Variants in TUBB observed in about 807,000 individuals in gnomAD.
TUBB encodes tubulin beta class I.
Under a neutral mutation model 35.1 loss-of-function variants are expected in TUBB, and 2 were observed. That is an observed-to-expected ratio of 0.06 (90% confidence interval 0.02 to 0.18). TUBB has a LOEUF of 0.18. Among genes scored for constraint, TUBB ranks in the 10% least tolerant of loss-of-function variants. TUBB has a pLI of 1.00. For synonymous variants in TUBB, 205 were observed against 223.8 expected, an observed-to-expected ratio of 0.92 and a Z score of 0.75; for missense variants, 50 against 599.4, an observed-to-expected ratio of 0.08 and a Z score of 9.57.
Position 30,724,553 on chromosome 6 carries a change from C to G in TUBB, c.*156C>G. On this transcript the variant is annotated 3_prime_UTR_variant, in exon 4 of 4. Transcript: ENST00000327892. This position sits in a 1 kb window ranked among gnomAD's most constrained non-coding sequence, Gnocchi z 4.4. ...AGAACAGTGCCTGGCACATAGTAGG[C>G]GCTCAATAAATACTTGTTTGTTGAA... 8 of 635,924 alleles carry G rather than the reference C, an allele frequency of 1.3e-5. No individual in the cohort carries two copies. The South Asian group carries it at 1.7e-4, about 14-fold the overall frequency. The allele number at this position is 635,924 out of a possible 1,614,324, so 39.4% of individuals were successfully genotyped here.
chr6:30,720,601 G>GA, intron 1 of TUBB, 38 bp downstream of exon 1: 1 of 1,585,808 alleles, frequency 6.3e-7, no homozygotes, highest in South Asian at 1.1e-5. Context: ...TTTTTACAAG[G>GA]AAAAATCCAG....
At chr6:30,721,627 G>A (rs574130855) in intron 1 of TUBB, 22 of 985,340 alleles carry the variant, frequency 2.2e-5, no homozygotes, top group Non-Finnish European at 2.7e-5. Flanking sequence ...TGCGGCGGCA[G>A]CTCTTTCCTC....
intron 2 of TUBB, 79 bp from the exon 3 acceptor site, chr6:30,722,839 C>T (rs146959764): frequency 1.9e-4 from 255 of 1,311,124 alleles, no homozygotes; most frequent in Non-Finnish European, 2.5e-4. Context: ...TCTCTGATCC[C>T]TGCTGTCTCC....
At chr6:30,722,284 A>C (rs2127747362) in intron 1 of TUBB, 1 of 460,086 alleles carries the variant, frequency 2.2e-6, no homozygotes, top group Non-Finnish European at 4.0e-6. Context: ...CTCTACTAAA[A>C]ATACAAAAAG....
Position 30,720,393 on chromosome 6 carries a change from CCAGCCTCTGGGGCG to C in TUBB, c.-111_-98del, listed in dbSNP as rs1562149436. ...GCCGTCGCGTTTGCACCTCGCTGCTCCAGCCTCTGGGGCGCATTCCAACCTTCCAGCCTGCGACC... is the reference window on the plus strand; with the variant it reads ...GCCGTCGCGTTTGCACCTCGCTGCTCCATTCCAACCTTCCAGCCTGCGACC... On this transcript the variant is annotated 5_prime_UTR_variant, in exon 1 of 4. Transcript: ENST00000327892. The C allele has an allele frequency of 9.7e-7, 1 of 1,025,742 alleles. No homozygotes were observed. Among genetic ancestry groups the C allele is most frequent in the Non-Finnish European group, 1.5e-6 (1 of 657,262 alleles). The allele number at this position is 1,025,742 out of a possible 1,614,324, so 63.5% of individuals were successfully genotyped here.
chr6:30,723,098 G>A (rs1352894179), intron 3 of TUBB, 70 bp downstream of exon 3: 7 of 1,278,868 alleles, frequency 5.5e-6, no homozygotes, highest in Non-Finnish European at 6.7e-6. Flanking sequence ...CAAGGACACA[G>A]CAAAAGTTAG....
At chr6:30,721,417 G>GGGGGTGGT in intron 1 of TUBB, 1 of 255,144 alleles carries the variant, frequency 3.9e-6, no homozygotes, top group Non-Finnish European at 6.1e-6. Flanking sequence ...GAAGGGCGGG[G>GGGGGTGGT]CCCTGCGGGG....
intron 2 of TUBB, 54 bp from the exon 3 acceptor site, chr6:30,722,860 ATATC>A: frequency 7.0e-7 from 1 of 1,422,866 alleles, no homozygotes; most frequent in Non-Finnish European, 9.8e-7. Context: ...CATTTCCAGT[ATATC>A]TATAAACCTT....
At chr6:30,721,455 G>A in intron 1 of TUBB, 1 of 711,732 alleles carries the variant, frequency 1.4e-6, no homozygotes, top group Non-Finnish European at 1.7e-6. Context: ...GGGCGCGCGG[G>A]GACAATGCGG....
rs1448382670 is a variant in TUBB at position 30,722,791 on chromosome 6, G to A, written c.167-127G>A. 7 of 1,112,214 alleles carry A rather than the reference G, an allele frequency of 6.3e-6. No individual in the cohort carries two copies. In the Admixed American group the frequency reaches 9.4e-5, roughly 15 times the overall value. 68.9% of individuals were successfully genotyped at this position (1,112,214 alleles called of 1,614,324 possible). On this transcript the variant is annotated intron_variant, in intron 2 of 3. Transcript: ENST00000327892. ...GTGAACCACCGTCGGGGCCAAAGAC[G>A]TCTGCTGCCACCTGGTGGCGGGACC...
chr6:30,723,130 T>A, intron 3 of TUBB, 102 bp downstream of exon 3: 1 of 1,057,258 alleles, frequency 9.5e-7, no homozygotes, highest in Non-Finnish European at 1.4e-6. Context: ...TGTATTGGAG[T>A]GCTAATACAG....
Position 30,723,716 on chromosome 6 carries a change from C to G in TUBB, c.654C>G (p.Thr218=). Residue 218 remains threonine (T), a synonymous_variant, in exon 4 of 4, where the codon ACC becomes ACG. Transcript: ENST00000327892. ...YDICFRTLKL[T]TPTYGDLNHL... is the part of the protein sequence containing the mutation. ...TCTGCTTCCGCACTCTGAAGCTGAC[C>G]ACACCAACCTACGGGGATCTGAACC... 6.2e-7 allele frequency: 1 copy of G among 1,614,204 alleles called. No individual in the cohort carries two copies. The highest frequency in any genetic ancestry group is 8.5e-7 in the Non-Finnish European group (1 of 1,180,040).
Position 30,723,949 on chromosome 6 carries a change from C to G in TUBB, c.887C>G (p.Ala296Gly), listed in dbSNP as rs1312842009. The change falls in exon 4 of 4, where the codon GCC becomes GGC. Residue 296 changes from alanine to glycine, a missense_variant. Physicochemically the swap from Ala to Gly is moderately conservative, Grantham distance 60. Transcript: ENST00000327892. ...GAACTCACCCAGCAGGTCTTCGATG[C>G]CAAGAACATGATGGCTGCCTGTGAC... ...VPELTQQVFD[A>G]KNMMAACDPR... is the part of the protein sequence containing the mutation. The G allele has an allele frequency of 6.2e-7, 1 of 1,614,216 alleles. No individual in the cohort carries two copies.
chr6:30,722,656 G>A lies in TUBB; in HGVS notation c.166+11G>A, dbSNP rs765562907. ...ACAATGAAGCCACAGGTAAGGGCAGGAGCCCGGGCAGCTCAGGTTCCCTTC... is the reference window on the plus strand; with the variant it reads ...ACAATGAAGCCACAGGTAAGGGCAGAAGCCCGGGCAGCTCAGGTTCCCTTC... On this transcript the variant is annotated intron_variant, in intron 2 of 3. Coordinates refer to ENST00000327892, the MANE Select transcript of TUBB (RefSeq NM_178014.4). The A allele has an allele frequency of 6.2e-6, 10 of 1,609,122 alleles. No individual in the cohort carries two copies. The highest frequency in any genetic ancestry group is 8.5e-6 in the Non-Finnish European group (10 of 1,176,528).
At chr6:30,720,629 G>C (rs1776153414) in intron 1 of TUBB, 66 bp downstream of exon 1, 1 of 1,485,970 alleles carries the variant, frequency 6.7e-7, no homozygotes, top group Non-Finnish European at 9.3e-7. Flanking sequence ...ATGAAAAAAT[G>C]GTTGTGGGGC....
At chr6:30,722,809 GC>G in intron 2 of TUBB, 108 bp from the exon 3 acceptor site, 1 of 1,160,506 alleles carries the variant, frequency 8.6e-7, no homozygotes, top group Non-Finnish European at 1.2e-6. Context: ...CCACCTGGTG[GC>G]GGGACCTGGA....
Position 30,720,493 on chromosome 6 carries a change from A to T in TUBB, c.-14A>T. On this transcript the variant is annotated 5_prime_UTR_variant, in exon 1 of 4. Coordinates refer to ENST00000327892, the MANE Select transcript of TUBB (RefSeq NM_178014.4). ...TACATACCTTGAGGCGAGCAAAAAAATTAAATTTTAACCATGAGGGAAATC... is the reference window on the plus strand; with the variant it reads ...TACATACCTTGAGGCGAGCAAAAAATTTAAATTTTAACCATGAGGGAAATC... 6.2e-7 allele frequency: 1 copy of T among 1,614,158 alleles called. No homozygotes were observed. Among genetic ancestry groups the T allele is most frequent in the Non-Finnish European group, 8.5e-7 (1 of 1,179,978 alleles).
At chr6:30,722,266 A>G in intron 1 of TUBB, 1 of 413,728 alleles carries the variant, frequency 2.4e-6, no homozygotes, top group South Asian at 2.5e-5. Flanking sequence ...CAACATGGTG[A>G]AACCCGTCTC....
In TUBB at chr6:30,720,488, A is replaced by G. The variant is rs1433687509; in HGVS notation, c.-19A>G. 3.7e-6 allele frequency: 6 copies of G among 1,614,030 alleles called. No homozygotes were observed. Among genetic ancestry groups the G allele is most frequent in the Non-Finnish European group, 5.1e-6 (6 of 1,179,976 alleles). Reference sequence around the variant, plus strand: ...CCCCATACATACCTTGAGGCGAGCAAAAAAATTAAATTTTAACCATGAGGG... The same window carrying G: ...CCCCATACATACCTTGAGGCGAGCAGAAAAATTAAATTTTAACCATGAGGG... On this transcript the variant is annotated 5_prime_UTR_variant, in exon 1 of 4. Transcript: ENST00000327892.
Sources: allele counts gnomAD v4.1 joint callset, GRCh38; gene constraint gnomAD v4.1.1; non-coding constraint Gnocchi (gnomAD v3.1); transcripts MANE v1.5; gene names NCBI Gene and HGNC (gene_info 2026-07-23, HGNC 2026-07-21).